The following SPAG17 variants were observed in gnomAD, a reference collection of about 807,000 sequenced individuals.
SPAG17 encodes the protein sperm associated antigen 17, also known as sperm-associated antigen 17.
In SPAG17, 169 loss-of-function variants were observed where a neutral mutation model predicts 273.6. The ratio of observed to expected loss-of-function variants is 0.62; its 90% confidence interval spans 0.55 to 0.70. The LOEUF is 0.70. Ranked by LOEUF, SPAG17 falls within the 30% of genes least tolerant of loss-of-function variation. The pLI is 0.00. For synonymous variants in SPAG17, 825 were observed against 873.2 expected, an observed-to-expected ratio of 0.94 and a Z score of 0.97; for missense variants, 2,557 against 2,627.8, an observed-to-expected ratio of 0.97 and a Z score of 0.59.
At position 117,953,604 on chromosome 1, in the gene SPAG17, T is replaced by G. The variant is rs1250950276; in HGVS notation, c.*446A>C. Reference sequence around the variant, plus strand: ...AAGATCTCAACTTTTTAGTAAAAGTTTTATTCTGTATCAACCAGAAAGCCA... The same window carrying G: ...AAGATCTCAACTTTTTAGTAAAAGTGTTATTCTGTATCAACCAGAAAGCCA... On this transcript the variant is annotated 3_prime_UTR_variant, in exon 49 of 49. Coordinates refer to ENST00000336338, the MANE Select transcript of SPAG17 (RefSeq NM_206996.4). 1 of 1,562,790 alleles carries G rather than the reference T, an allele frequency of 6.4e-7. No individual in the cohort carries two copies. Among genetic ancestry groups the G allele is most frequent in the African/African-American group, 1.4e-5 (1 of 72,494 alleles).
At chr1:118,165,432 G>A (rs1233973027) in intron 1 of SPAG17, among the ~76,000 whole-genome samples, 3 of 151,906 alleles carry the variant, frequency 2.0e-5, no homozygotes, top group African/African-American at 7.3e-5. Flanking sequence ...TCCTTGGCAT[G>A]AGGCAAAGAA....
chr1:118,054,335 A>C (rs1651409437), intron 19 of SPAG17, among the ~76,000 whole-genome samples: 1 of 151,196 alleles, frequency 6.6e-6, no homozygotes, highest in Non-Finnish European at 1.5e-5. Context: ...GATATGTTGC[A>C]GCTTTTATTG....
chr1:118,118,549 G>C (rs547025860), intron 3 of SPAG17, among the ~76,000 whole-genome samples: 2 of 152,276 alleles, frequency 1.3e-5, no homozygotes, highest in South Asian at 4.1e-4. Context: ...AAAAAAGCAC[G>C]AGTCTTAACG....
At chr1:118,011,628 C>A (rs1659476418) in intron 30 of SPAG17, among the ~76,000 whole-genome samples, 1 of 152,034 alleles carries the variant, frequency 6.6e-6, no homozygotes, top group Admixed American at 6.6e-5. Flanking sequence ...AGGTTTAATA[C>A]CTGGGTGACA....
intron 28 of SPAG17, among the ~76,000 whole-genome samples, chr1:118,018,187 C>T (rs895374426): frequency 3.3e-5 from 5 of 152,062 alleles, no homozygotes; most frequent in African/African-American, 1.2e-4. Flanking sequence ...GAAATGAATG[C>T]CAGAACCTGC....
chr1:117,996,597 C>T lies in SPAG17; in HGVS notation c.4922+1G>A. 1 of 1,609,270 alleles carries T rather than the reference C, an allele frequency of 6.2e-7. No individual in the cohort carries two copies. The highest frequency in any genetic ancestry group is 8.5e-7 in the Non-Finnish European group (1 of 1,178,444). ...GTAAAATTATAGTATTATTCTTTTA[C>T]CTGGGGACATGTTCACCATAGATTT... On this transcript the variant is annotated splice_donor_variant, in intron 33 of 48. Transcript: ENST00000336338. LOFTEE classifies it high-confidence loss of function.
At chr1:117,971,339 A>G (rs188042034) in intron 45 of SPAG17, among the ~76,000 whole-genome samples, 1 of 152,350 alleles carries the variant, frequency 6.6e-6, no homozygotes, top group Admixed American at 6.5e-5. Flanking sequence ...GGAGATCTGA[A>G]GTCTGGCCTC....
chr1:117,955,889 T>A (rs1490466924), intron 48 of SPAG17, among the ~76,000 whole-genome samples: 1 of 152,162 alleles, frequency 6.6e-6, no homozygotes, highest in East Asian at 1.9e-4. Flanking sequence ...TATATCTTTG[T>A]CATCATTATT....
chr1:117,976,262 C>G (rs1375766873), intron 43 of SPAG17, among the ~76,000 whole-genome samples: 1 of 152,176 alleles, frequency 6.6e-6, no homozygotes, highest in African/African-American at 2.4e-5. Context: ...CCAGCTGACA[C>G]AGAGGTCCTT....
chr1:118,171,619 G>C (rs2102394047), intron 1 of SPAG17, among the ~76,000 whole-genome samples: 1 of 152,158 alleles, frequency 6.6e-6, no homozygotes, highest in South Asian at 2.1e-4. Flanking sequence ...TAAAATAAGT[G>C]CTCTTTTCAT....
intron 1 of SPAG17, among the ~76,000 whole-genome samples, chr1:118,176,959 C>G (rs752399580): frequency 4.6e-5 from 7 of 151,700 alleles, no homozygotes; most frequent in Non-Finnish European, 1.0e-4. Flanking sequence ...ATAAATTGGT[C>G]AATGAAAAAA....
At chr1:117,972,977 A>T (rs955615436) in intron 44 of SPAG17, among the ~76,000 whole-genome samples, 1 of 152,202 alleles carries the variant, frequency 6.6e-6, no homozygotes, top group African/African-American at 2.4e-5. Flanking sequence ...TCCTCATGCT[A>T]AGTCATTTGG....
At chr1:118,182,473 C>A (rs1209707450) in intron 1 of SPAG17, among the ~76,000 whole-genome samples, 2 of 152,130 alleles carry the variant, frequency 1.3e-5, no homozygotes, top group African/African-American at 4.8e-5. Flanking sequence ...ATGTCTATGT[C>A]ACATACATAC....
At position 118,054,704 on chromosome 1, in the gene SPAG17, A is replaced by G. The variant is rs1195392597; in HGVS notation, c.2723-611T>C. Among the ~76,000 whole-genome samples the G allele has an allele frequency of 2.0e-5, 3 of 152,176 alleles. No homozygotes were observed. In the South Asian group the frequency reaches 6.2e-4, roughly 32 times the overall value. On this transcript the variant is annotated intron_variant, in intron 19 of 48. Coordinates refer to ENST00000336338, the MANE Select transcript of SPAG17 (RefSeq NM_206996.4). ...GCAGCCCTACCCATTTTTTTAAAAA[A>G]TATAGTCCTATCTATTTATTTTTCT...
Position 118,007,048 on chromosome 1 carries a change from T to C in SPAG17, c.4587+996A>G, listed in dbSNP as rs1658969011. ...ATGATTTTCAAATAACATCTTCTAT[T>C]CTGTAGTTTATCTTTTCACGTTCTT... On this transcript the variant is annotated intron_variant, in intron 31 of 48. Coordinates refer to ENST00000336338, the MANE Select transcript of SPAG17 (RefSeq NM_206996.4). 2.0e-5 allele frequency among the ~76,000 whole-genome samples: 3 copies of C among 152,326 alleles called. No homozygotes were observed. The South Asian group carries it at 6.2e-4, about 32-fold the overall frequency.
At chr1:118,037,006 T>G (rs1206044189) in intron 23 of SPAG17, 123 bp from the exon 24 acceptor site, 6 of 672,274 alleles carry the variant, frequency 8.9e-6, no homozygotes, top group Non-Finnish European at 1.5e-5. Flanking sequence ...TAAAAAATAA[T>G]TGGTTTAGCT....
Position 118,039,228 on chromosome 1 carries a change from G to A in SPAG17, c.3319+64C>T, listed in dbSNP as rs555267565. On this transcript the variant is annotated intron_variant, in intron 23 of 48. Coordinates refer to ENST00000336338, the MANE Select transcript of SPAG17 (RefSeq NM_206996.4). Reference sequence around the variant, plus strand: ...ACATGCAATAAGCCATTCATTTAATGGAGTGGAGTGGACAGAGACAGGAGT... The same window carrying A: ...ACATGCAATAAGCCATTCATTTAATAGAGTGGAGTGGACAGAGACAGGAGT... The A allele has an allele frequency of 3.2e-5, 48 of 1,500,312 alleles. 1 individual carries two copies. The South Asian group carries it at 4.3e-4, about 13-fold the overall frequency. 92.9% of individuals were successfully genotyped at this position (1,500,312 alleles called of 1,614,324 possible). A position where few individuals can be genotyped will look rare whatever the true frequency, so the allele number is the denominator to read the frequency against.
intron 10 of SPAG17, 94 bp downstream of exon 10, chr1:118,091,512 A>G: frequency 1.5e-6 from 1 of 678,014 alleles, no homozygotes; most frequent in South Asian, 1.9e-5. Context: ...CTTAGGTATT[A>G]TGAGTATAAT....
At chr1:118,171,090 C>T (rs908692117) in intron 1 of SPAG17, among the ~76,000 whole-genome samples, 5 of 151,964 alleles carry the variant, frequency 3.3e-5, no homozygotes, top group African/African-American at 1.2e-4. Flanking sequence ...TGAGTCTAGG[C>T]TATAATGAAG....
Sources: gnomAD v4.1 joint callset for allele counts (sites outside exome capture counted in the v4.1 genomes callset) on GRCh38, gnomAD v4.1.1 for gene constraint, MANE v1.5 for transcripts, NCBI Gene and HGNC (gene_info 2026-07-23, HGNC 2026-07-21) for gene names.